Variants in TAF1C observed in about 807,000 individuals in gnomAD.
TAF1C encodes the protein TATA box-binding protein-associated factor RNA polymerase I subunit C.
A neutral mutation model predicts 70.5 loss-of-function variants in TAF1C; 79 were observed. The observed-to-expected ratio is 1.12, with a 90% CI of 0.93 to 1.35. TAF1C has a LOEUF of 1.35. Among genes scored for constraint, TAF1C ranks in the 40% most tolerant of loss-of-function variants. The probability of loss-of-function intolerance (pLI) is 0.00; values close to 1 mark genes in which losing one functional copy is unlikely to be tolerated. For missense variants in TAF1C, 1,412 were observed against 1,127.8 expected, an observed-to-expected ratio of 1.25 and a Z score of -3.61; for synonymous variants, 614 against 491.1, an observed-to-expected ratio of 1.25 and a Z score of -3.31.
chr16:84,179,062 C>A lies in TAF1C; in HGVS notation c.2411G>T (p.Gly804Val). 6.2e-7 allele frequency: 1 copy of A among 1,610,494 alleles called. No homozygotes were observed. Among genetic ancestry groups the A allele is most frequent in the Non-Finnish European group, 8.5e-7 (1 of 1,179,474 alleles). ...GGAGTGGGGAGGTGTGGTGGCACAG[C>A]CTGGGGTGTCCCTCTGGGGTGGTAG... ...AKLPPQRDTP[G>V]CATTPPHSQA... is the part of the protein sequence containing the mutation. The change falls in exon 15 of 15, where the codon GGC becomes GTC. Residue 804 changes from glycine to valine, a missense_variant. Physicochemically the swap from Gly to Val is moderately radical, Grantham distance 109. Coordinates refer to ENST00000566732, the MANE Select transcript of TAF1C (RefSeq NM_001243156.2).
chr16:84,183,123 G>A lies in TAF1C; in HGVS notation c.435C>T (p.Val145=). 1.6e-5 allele frequency: 26 copies of A among 1,613,966 alleles called. No individual in the cohort carries two copies. Among genetic ancestry groups the A allele is most frequent in the Non-Finnish European group, 2.2e-5 (26 of 1,180,014 alleles). The change falls in exon 6 of 15, where the codon GTC becomes GTT. Residue 145 remains valine, a synonymous_variant. Transcript: ENST00000566732. ...AGSRTKKKTV[V]SVKKLLQDLG... Reference sequence around the variant, plus strand: ...GGTCCTGGAGCAGCTTCTTCACACTGACCACTGTCTTCTTCTTAGTGCGGC... The same window carrying A: ...GGTCCTGGAGCAGCTTCTTCACACTAACCACTGTCTTCTTCTTAGTGCGGC...
chr16:84,181,256 C>A, intron 11 of TAF1C, 70 bp from the exon 12 acceptor site: 1 of 1,598,730 alleles, frequency 6.3e-7, no homozygotes, highest in Non-Finnish European at 8.6e-7. Flanking sequence ...GCCCAGGCCG[C>A]AGCCAGCCTG....
chr16:84,179,178 C>T lies in TAF1C; in HGVS notation c.2295G>A (p.Thr765=), dbSNP rs748336014. 44 of 1,589,026 alleles carry T rather than the reference C, an allele frequency of 2.8e-5. No homozygotes were observed. The highest frequency in any genetic ancestry group is 3.6e-5 in the Non-Finnish European group (42 of 1,172,748). ...PPADALPLPP[T]TPPSQELTPD... is the part of the protein sequence containing the mutation. ...GAGTCAACTCCTGGGAGGGCGGGGT[C>T]GTGGGGGGCAGGGGCAGAGCATCAG... The change falls in exon 15 of 15, where the codon ACG becomes ACA. Residue 765 remains threonine (T), a synonymous_variant. Transcript: ENST00000566732.
chr16:84,181,671 G>A lies in TAF1C; in HGVS notation c.957-8C>T, dbSNP rs760731686. ...TCCCCGGGCAGGTGAGGGCTACAGG[G>A]CAGGAATGCATTCACATCGGGCTGC... On this transcript the variant is annotated splice_region_variant and splice_polypyrimidine_tract_variant and intron_variant, in intron 9 of 14. Transcript: ENST00000566732. The A allele has an allele frequency of 1.7e-5, 27 of 1,613,988 alleles. No homozygotes were observed. The South Asian group carries it at 2.4e-4, about 14-fold the overall frequency.
In TAF1C at chr16:84,182,122, C is replaced by A; in HGVS notation, c.722-64G>T. The A allele has an allele frequency of 6.3e-7, 1 of 1,592,512 alleles. No individual in the cohort carries two copies. Among genetic ancestry groups the A allele is most frequent in the East Asian group, 2.2e-5 (1 of 44,642 alleles). On this transcript the variant is annotated intron_variant, in intron 7 of 14. Transcript: ENST00000566732. This position sits in a 1 kb window ranked among gnomAD's most constrained non-coding sequence, Gnocchi z 5.0. ...CACTGCAAGCCCCCCAAATTCCTGC[C>A]CTTCTCTGGACCATGCCAAGAGCAC...
chr16:84,180,645 C>G (rs1180132091), intron 12 of TAF1C: 1 of 658,106 alleles, frequency 1.5e-6, no homozygotes, highest in African/African-American at 1.9e-5. Flanking sequence ...GCCACCCCCA[C>G]TCTCCTGACC....
chr16:84,179,248 G>A lies in TAF1C; in HGVS notation c.2225C>T (p.Pro742Leu), dbSNP rs1388021270. The change falls in exon 15 of 15, where the codon CCC becomes CTC. Residue 742 changes from proline (P) to leucine (L), a missense_variant. Physicochemically the swap from Pro to Leu is moderately conservative, Grantham distance 98. Coordinates refer to ENST00000566732, the MANE Select transcript of TAF1C (RefSeq NM_001243156.2). ...SSFSLSGHVD[P>L]SEDTSSPHSP... ...ATGAGGGGAGCTGGTGTCCTCTGAGGGATCCACATGGCCACTGAGCGAAAA... is the reference window on the plus strand; with the variant it reads ...ATGAGGGGAGCTGGTGTCCTCTGAGAGATCCACATGGCCACTGAGCGAAAA... The A allele has an allele frequency of 2.5e-6, 4 of 1,584,162 alleles. No homozygotes were observed. Among genetic ancestry groups the A allele is most frequent in the East Asian group, 2.3e-5 (1 of 44,028 alleles).
In TAF1C at chr16:84,179,806, C is replaced by T; in HGVS notation, c.1667G>A (p.Gly556Asp). 1 of 1,609,762 alleles carries T rather than the reference C, an allele frequency of 6.2e-7. No homozygotes were observed. Among genetic ancestry groups the T allele is most frequent in the Non-Finnish European group, 8.5e-7 (1 of 1,178,580 alleles). ...VPPLPSAPTP[G>D]LVLFQLSAAG... ...CGCCGAGAGCTGGAAGAGCACCAGG[C>T]CTGGTGTGGGCGCTGAGGGCAAGGG... The change falls in exon 15 of 15, where the codon GGC becomes GAC. Residue 556 changes from glycine to aspartate, a missense_variant. Transcript: ENST00000566732.
chr16:84,180,335 A>G lies in TAF1C; in HGVS notation c.1318T>C (p.Tyr440His). 1.3e-6 allele frequency: 2 copies of G among 1,542,756 alleles called. No individual in the cohort carries two copies. Among genetic ancestry groups the G allele is most frequent in the Non-Finnish European group, 1.7e-6 (2 of 1,146,340 alleles). The change falls in exon 13 of 15, where the codon TAC (tyrosine) becomes CAC (histidine). Residue 440 changes from tyrosine to histidine, a missense_variant. Tyr to His is a moderately conservative substitution (Grantham distance 83). Transcript: ENST00000566732. ...LHLVCTQFSL[Y>H]LVDERLPLVP... is the part of the protein sequence containing the mutation. Reference sequence around the variant, plus strand: ...AGGGGAAGGCGCTCGTCCACTAGGTAGAGAGAGAACTGGGGCCCGAGAAGG... The same window carrying G: ...AGGGGAAGGCGCTCGTCCACTAGGTGGAGAGAGAACTGGGGCCCGAGAAGG...
At chr16:84,181,300 G>A (rs768850268) in intron 11 of TAF1C, 28 bp downstream of exon 11, 1 of 1,610,874 alleles carries the variant, frequency 6.2e-7, no homozygotes, top group East Asian at 2.2e-5. Context: ...CCCGCAGTCG[G>A]GGTGGGTCCT....
Position 84,181,097 on chromosome 16 carries a change from C to T in TAF1C, c.1254G>A (p.Leu418=), listed in dbSNP as rs1323456355. ...GGAGGCATTTGGGGCTGGAGTGCCC[C>T]AGGTACTGGGTAAGCAGGACACGTT... ...KGERVLLTQY[L]GHSSPKCLPP... is the part of the protein sequence containing the mutation. The change falls in exon 12 of 15, where the codon CTG becomes CTA. Residue 418 remains leucine, a synonymous_variant. Coordinates refer to ENST00000566732, the MANE Select transcript of TAF1C (RefSeq NM_001243156.2). The T allele has an allele frequency of 1.9e-6, 3 of 1,612,998 alleles. No individual in the cohort carries two copies. The Admixed American group carries it at 5.0e-5, about 27-fold the overall frequency.
chr16:84,180,634 A>G, intron 12 of TAF1C: 2 of 620,824 alleles, frequency 3.2e-6, no homozygotes, highest in Non-Finnish European at 5.1e-6. Flanking sequence ...GCCTTCTCGC[A>G]GCCACCCCCA....
rs4150158 is a variant in TAF1C at position 84,180,790 on chromosome 16, C to T, written c.1308+253G>A. On this transcript the variant is annotated intron_variant, in intron 12 of 14. Transcript: ENST00000566732. ...CTGCACGGAAGCCCCACCCCGAGGCCCCTCCTCCCCTGCTCCACCCCTGGC... is the reference window on the plus strand; with the variant it reads ...CTGCACGGAAGCCCCACCCCGAGGCTCCTCCTCCCCTGCTCCACCCCTGGC... The T allele has an allele frequency of 3.8e-3, 5,195 of 1,352,442 alleles. 178 individuals are homozygous for T. In the African/African-American group the frequency reaches 0.068, roughly 18 times the overall value. 83.8% of individuals were successfully genotyped at this position (1,352,442 alleles called of 1,614,324 possible).
chr16:84,180,548 G>T (rs536032809), intron 12 of TAF1C: 1 of 621,986 alleles, frequency 1.6e-6, no homozygotes, highest in South Asian at 2.4e-5. Flanking sequence ...CCGACAGTCC[G>T]GTGGACAGAC....
Position 84,182,392 on chromosome 16 carries a change from G to C in TAF1C, c.531C>G (p.Leu177=), listed in dbSNP as rs753732445. 6.2e-7 allele frequency: 1 copy of C among 1,606,454 alleles called. No individual in the cohort carries two copies. Among genetic ancestry groups the C allele is most frequent in the African/African-American group, 1.3e-5 (1 of 74,900 alleles). ...LSNRQRRFSI[L]GGPILGTSVA... is the part of the protein sequence containing the mutation. ...CCGACGTGCCCAGGATGGGGCCCCC[G>C]AGGATAGAGAAGCGGCGCTGTCGGT... is the stretch of plus-strand genomic sequence containing the variant. The change falls in exon 7 of 15, where the codon CTC becomes CTG. Residue 177 remains leucine, a synonymous_variant. Transcript: ENST00000566732. The surrounding 1 kb of genome is among the most constrained non-coding windows in gnomAD (Gnocchi z 5.0).
chr16:84,184,280 C>T (rs2089365557), intron 2 of TAF1C, among the ~76,000 whole-genome samples: 2 of 152,152 alleles, frequency 1.3e-5, no homozygotes. Flanking sequence ...GTAAGGATGC[C>T]ATCCCTGACC....
At position 84,179,363 on chromosome 16, in the gene TAF1C, C is replaced by A. The variant is rs745621785; in HGVS notation, c.2110G>T (p.Ala704Ser). 8.7e-6 allele frequency: 14 copies of A among 1,600,220 alleles called. 1 individual carries two copies. The highest frequency in any genetic ancestry group is 8.5e-7 in the Non-Finnish European group (1 of 1,178,842). Residue 704 changes from alanine to serine, a missense_variant, in exon 15 of 15, where the codon GCT becomes TCT. Physicochemically the swap from Ala to Ser is moderately conservative, Grantham distance 99. Coordinates refer to ENST00000566732, the MANE Select transcript of TAF1C (RefSeq NM_001243156.2). ...RLGEAWAGRGAAWWERQQGRT... is the reference protein window; with the variant it reads ...RLGEAWAGRGSAWWERQQGRT... ...CCCTGCTGCCTCTCCCACCAGGCAG[C>A]CCCTCGGCCTGCCCAGGCTTCCCCC...
At chr16:84,183,219 A>G (rs969153579) in intron 5 of TAF1C, 25 bp downstream of exon 5, 14 of 1,613,474 alleles carry the variant, frequency 8.7e-6, no homozygotes, top group Non-Finnish European at 1.2e-5. Flanking sequence ...GGGAGTCCCC[A>G]CCCCTGGAGT....
chr16:84,181,615 G>C lies in TAF1C; in HGVS notation c.1005C>G (p.Val335=). ...ACCCATCCTCAGGGCTCCACAGGCA[G>C]ACGGCTCCCGAGCGGCTGCAGATGG... is the stretch of plus-strand genomic sequence containing the variant. ...ELAICSRSGA[V]CLWSPEDGLR... Residue 335 remains valine, a synonymous_variant, in exon 10 of 15, where the codon GTC becomes GTG. Transcript: ENST00000566732. 6.2e-7 allele frequency: 1 copy of C among 1,613,878 alleles called. No homozygotes were observed. Among genetic ancestry groups the C allele is most frequent in the African/African-American group, 1.3e-5 (1 of 75,030 alleles).
Sources: gnomAD v4.1 joint callset for allele counts (sites outside exome capture counted in the v4.1 genomes callset) on GRCh38, gnomAD v4.1.1 for gene constraint, Gnocchi (gnomAD v3.1) non-coding constraint, MANE v1.5 for transcripts, NCBI Gene and HGNC (gene_info 2026-07-23, HGNC 2026-07-21) for gene names.